The following CENPN variants were observed in gnomAD, a reference collection of about 807,000 sequenced individuals.
CENPN encodes interphase centromere complex protein 32.
Under a neutral mutation model 48.6 loss-of-function variants are expected in CENPN, and 36 were observed. The ratio of observed to expected loss-of-function variants is 0.74; its 90% CI spans 0.57 to 0.98. CENPN has a LOEUF of 0.98. CENPN is among the 50% of genes least tolerant of loss of function. The pLI is 0.00. For missense variants in CENPN, 439 were observed against 399.2 expected (o/e 1.10, Z -0.85); for synonymous variants, 166 against 135.2 (o/e 1.23, Z -1.58).
chr16:81,017,939 T>C (rs551417002), intron 5 of CENPN, 105 bp downstream of exon 5: 2 of 656,276 alleles, frequency 3.0e-6, no homozygotes, highest in Admixed American at 3.2e-5. Context: ...GAAATTCAGT[T>C]AGTAATAGTT....
chr16:81,032,687 G>C (rs1252128649), downstream of CENPN: 2 of 1,603,358 alleles, frequency 1.2e-6, no homozygotes, highest in Non-Finnish European at 1.7e-6. Context: ...TTGTATCCAA[G>C]ATGTTAAAAT....
chr16:81,021,706 G>C (rs1404403130), intron 6 of CENPN, among the ~76,000 whole-genome samples: 1 of 152,000 alleles, frequency 6.6e-6, no homozygotes, highest in Non-Finnish European at 1.5e-5. Context: ...CTTATAGCCA[G>C]GTGAGTACAC....
intron 3 of CENPN, among the ~76,000 whole-genome samples, chr16:81,014,858 C>CGTAT (rs1194723181): frequency 6.6e-6 from 1 of 152,202 alleles, no homozygotes; most frequent in Non-Finnish European, 1.5e-5. Context: ...AGAAACCATA[C>CGTAT]TTTGAGTTCC....
At position 81,030,023 on chromosome 16, in the gene CENPN, A is replaced by C. The variant is rs1371553926; in HGVS notation, c.*1372A>C. Among the ~76,000 whole-genome samples the C allele has an allele frequency of 6.6e-6, 1 of 152,152 alleles. No homozygotes were observed. Among genetic ancestry groups the C allele is most frequent in the Non-Finnish European group, 1.5e-5 (1 of 68,036 alleles). On this transcript the variant is annotated 3_prime_UTR_variant, in exon 11 of 11. Transcript: ENST00000305850. Reference sequence around the variant, plus strand: ...TGTCTTACATGGCGGCAGGCAAGAGAGCTTGTGCAGGGAAACTCCCATTTA... The same window carrying C: ...TGTCTTACATGGCGGCAGGCAAGAGCGCTTGTGCAGGGAAACTCCCATTTA...
chr16:81,021,378 C>T (rs114973373), intron 6 of CENPN, among the ~76,000 whole-genome samples: 166 of 152,232 alleles, frequency 1.1e-3, no homozygotes, highest in African/African-American at 3.8e-3. Context: ...CCACTGTTAG[C>T]ATTCACAACC....
chr16:81,021,027 G>C (rs1970168089), intron 6 of CENPN, among the ~76,000 whole-genome samples: 1 of 151,752 alleles, frequency 6.6e-6, no homozygotes, highest in South Asian at 2.1e-4. Flanking sequence ...GGGAGGCAGA[G>C]GTTGCAGTGA....
At chr16:81,026,089 G>GTGTGTA (rs750276928) in intron 8 of CENPN, among the ~76,000 whole-genome samples, 1 of 137,606 alleles carries the variant, frequency 7.3e-6, no homozygotes. Flanking sequence ...GTGTGTGTGT[G>GTGTGTA]TATATATATG....
chr16:81,016,840 A>C (rs1193469870), intron 3 of CENPN: 2 of 163,006 alleles, frequency 1.2e-5, no homozygotes, highest in African/African-American at 4.8e-5. Context: ...GTCCTCCGAC[A>C]GGAACTGGGA....
At chr16:81,019,918 A>AAG in intron 5 of CENPN, among the ~76,000 whole-genome samples, 182 bp from the exon 6 acceptor site, 1 of 151,264 alleles carries the variant, frequency 6.6e-6, no homozygotes, top group East Asian at 1.9e-4. Context: ...TTTTTTTAAA[A>AAG]TCACAAAATG....
chr16:81,012,093 T>C lies in CENPN; in HGVS notation c.154T>C (p.Leu52=). 1 of 1,614,118 alleles carries C rather than the reference T, an allele frequency of 6.2e-7. No homozygotes were observed. Among genetic ancestry groups the C allele is most frequent in the Admixed American group, 1.7e-5 (1 of 60,026 alleles). The part of the protein sequence containing the change: ...RQRKESVVQH[L]IHLCEEKRAS... ...GAGAAAGGAATCTGTAGTTCAGCACTTGATCCATCTGTGTGAGGTAACAGT... is the reference window on the plus strand; with the variant it reads ...GAGAAAGGAATCTGTAGTTCAGCACCTGATCCATCTGTGTGAGGTAACAGT... Residue 52 remains leucine (L), a synonymous_variant, in exon 2 of 11, where the codon TTG becomes CTG. Transcript: ENST00000305850.
chr16:81,022,563 T>A lies in CENPN; in HGVS notation c.532-34T>A, dbSNP rs529083456. Reference sequence around the variant, plus strand: ...AGTATTATAAACACAGAGGCAGTAATCCTAGTAATAGTCTTGCAAATTTTC... The same window carrying A: ...AGTATTATAAACACAGAGGCAGTAAACCTAGTAATAGTCTTGCAAATTTTC... On this transcript the variant is annotated intron_variant, in intron 6 of 10. Coordinates refer to ENST00000305850, the MANE Select transcript of CENPN (RefSeq NM_001100624.3). 5 of 1,542,832 alleles carry A rather than the reference T, an allele frequency of 3.2e-6. No individual in the cohort carries two copies. In the South Asian group the frequency reaches 5.6e-5, roughly 17 times the overall value.
At position 81,016,095 on chromosome 16, in the gene CENPN, T is replaced by C. The variant is rs1191576053; in HGVS notation, c.218-1231T>C. Among the ~76,000 whole-genome samples the C allele has an allele frequency of 7.2e-5, 11 of 152,120 alleles. No individual in the cohort carries two copies. In the East Asian group the frequency reaches 2.1e-3, roughly 29 times the overall value. On this transcript the variant is annotated intron_variant, in intron 3 of 10. Coordinates refer to ENST00000305850, the MANE Select transcript of CENPN (RefSeq NM_001100624.3). The stretch of plus-strand genomic sequence containing the variant: ...CAGAGACAATTTTAAGCCAGAAGGA[T>C]GAAGGGATATGGTTGAACTTGCTAA...
chr16:81,008,507 G>A lies in CENPN; in HGVS notation c.-11+1230G>A, dbSNP rs147683681. ...TTGCCTCAGCCTCCCGAGTAGCTGG[G>A]ACTAGAGGTGTGCGTCACGACACCC... On this transcript the variant is annotated intron_variant, in intron 1 of 10. Coordinates refer to ENST00000305850, the MANE Select transcript of CENPN (RefSeq NM_001100624.3). 7.9e-5 allele frequency among the ~76,000 whole-genome samples: 12 copies of A among 152,266 alleles called. 1 individual carries two copies. The highest frequency in any genetic ancestry group is 2.6e-4 in the African/African-American group (11 of 41,554).
At position 81,011,966 on chromosome 16, in the gene CENPN, C is replaced by T. The variant is rs889216998; in HGVS notation, c.27C>T (p.Ile9=). MDETVAEF[I]KRTILKIPMN... The stretch of plus-strand genomic sequence containing the variant: ...TGGATGAGACTGTTGCTGAGTTCAT[C>T]AAGAGGACCATCTTGAAAATCCCCA... Residue 9 remains isoleucine, a synonymous_variant, in exon 2 of 11, where the codon ATC becomes ATT. Coordinates refer to ENST00000305850, the MANE Select transcript of CENPN (RefSeq NM_001100624.3). 6.2e-7 allele frequency: 1 copy of T among 1,614,122 alleles called. No individual in the cohort carries two copies. Among genetic ancestry groups the T allele is most frequent in the Non-Finnish European group, 8.5e-7 (1 of 1,179,996 alleles).
intron 2 of CENPN, among the ~76,000 whole-genome samples, chr16:81,013,450 G>A (rs1431650504): frequency 6.6e-6 from 1 of 152,156 alleles, no homozygotes; most frequent in Non-Finnish European, 1.5e-5. Flanking sequence ...ACACAAGACT[G>A]GACTCAGTGG....
At chr16:81,027,997 GC>G (rs2151715322) in intron 9 of CENPN, among the ~76,000 whole-genome samples, 173 bp from the exon 10 acceptor site, 1 of 152,268 alleles carries the variant, frequency 6.6e-6, no homozygotes, top group South Asian at 2.1e-4. Context: ...GAGCCACTTT[GC>G]CCGACCTGCC....
rs1336877601 is a variant in CENPN at position 81,017,468 on chromosome 16, C to G, written c.277+83C>G. On this transcript the variant is annotated intron_variant, in intron 4 of 10. Transcript: ENST00000305850. ...GAGGTTACAGCGAGCTGAGATTGCA[C>G]CACTGCACTCCAGCCTGGGTAACAG... 4 of 890,690 alleles carry G rather than the reference C, an allele frequency of 4.5e-6. No homozygotes were observed. The African/African-American group carries it at 6.6e-5, about 15-fold the overall frequency. The allele number at this position is 890,690 out of a possible 1,614,324, so 55.2% of individuals were successfully genotyped here. A position where few individuals can be genotyped will look rare whatever the true frequency, so the allele number is the denominator to read the frequency against.
rs530600379 is a variant in CENPN at position 81,028,172 on chromosome 16, T to C, written c.812T>C (p.Leu271Pro). The change falls in exon 10 of 11, where the codon CTT becomes CCT. Residue 271 changes from leucine to proline, a missense_variant and splice_region_variant. By Grantham distance (98) the Leu-to-Pro change is moderately conservative (BLOSUM62 -3). Transcript: ENST00000305850. ...TCATTTATAAATGTTTGTTGACAGC[T>C]TGAAACGAAATTCAAAAGTGGTTTA... is the stretch of plus-strand genomic sequence containing the variant. ...QPQLEFAQYKLETKFKSGLNG... is the reference protein window; with the variant it reads ...QPQLEFAQYKPETKFKSGLNG... The C allele has an allele frequency of 1.9e-6, 3 of 1,607,446 alleles. No individual in the cohort carries two copies. Among genetic ancestry groups the C allele is most frequent in the South Asian group, 2.2e-5 (2 of 90,904 alleles).
chr16:81,012,252 G>A, intron 2 of CENPN, 142 bp downstream of exon 2: 1 of 517,854 alleles, frequency 1.9e-6, no homozygotes, highest in Non-Finnish European at 3.1e-6. Context: ...AACTGCAGTG[G>A]AAAAAAACCT....
Sources: allele counts gnomAD v4.1 joint callset (sites outside exome capture counted in the v4.1 genomes callset), GRCh38; gene constraint gnomAD v4.1.1; transcripts MANE v1.5; gene names NCBI Gene and HGNC (gene_info 2026-07-23, HGNC 2026-07-21).